Variants in CTNNA2 observed in about 807,000 individuals in gnomAD.
CTNNA2 encodes the protein catenin alpha 2, also known as catenin alpha-2.
A neutral mutation model predicts 101.0 loss-of-function variants in CTNNA2; 42 were observed. That is an observed-to-expected ratio of 0.42 (90% CI 0.32 to 0.54). CTNNA2 has a LOEUF of 0.54. Ranked by LOEUF, CTNNA2 falls within the 20% of genes least tolerant of loss-of-function variation. The pLI is 0.14. For synonymous variants in CTNNA2, 450 were observed against 456.4 expected (o/e 0.99, Z 0.18); for missense variants, 871 against 1,223.1 (o/e 0.71, Z 4.29).
intron 4 of CTNNA2, among the ~76,000 whole-genome samples, chr2:79,416,257 C>CTTTTTCTTTTTT (rs1404591922): frequency 1.1e-4 from 10 of 94,614 alleles, no homozygotes; most frequent in African/African-American, 4.1e-4. Flanking sequence ...CTTTCCTTTT[C>CTTTTTCTTTTTT]TTTTTTTTTT....
intron 4 of CTNNA2, among the ~76,000 whole-genome samples, chr2:79,390,699 A>G (rs1285618657): frequency 1.3e-5 from 2 of 152,212 alleles, no homozygotes; most frequent in African/African-American, 4.8e-5. Context: ...AATAGGAATG[A>G]TACCTATTTG....
At chr2:80,146,015 T>TG (rs1703309221) in intron 7 of CTNNA2, among the ~76,000 whole-genome samples, 1 of 152,210 alleles carries the variant, frequency 6.6e-6, no homozygotes, top group African/African-American at 2.4e-5. Flanking sequence ...TCCATGGCCA[T>TG]GCTGTAGGAG....
At chr2:80,254,342 T>A (rs1032216615) in intron 7 of CTNNA2, among the ~76,000 whole-genome samples, 1 of 152,172 alleles carries the variant, frequency 6.6e-6, no homozygotes, top group African/African-American at 2.4e-5. Flanking sequence ...TGCTGAAATT[T>A]GCATTGAAGA....
At chr2:79,850,801 G>C (rs1300991520) in intron 3 of CTNNA2, among the ~76,000 whole-genome samples, 1 of 152,134 alleles carries the variant, frequency 6.6e-6, no homozygotes, top group East Asian at 1.9e-4. Flanking sequence ...GTTGATACAG[G>C]TTAAGCTCTT....
chr2:79,799,153 G>A (rs1199933430), intron 3 of CTNNA2, among the ~76,000 whole-genome samples: 1 of 150,796 alleles, frequency 6.6e-6, no homozygotes, highest in African/African-American at 2.5e-5. Flanking sequence ...TCAGCTCACA[G>A]TTATAATTCG....
intron 4 of CTNNA2, among the ~76,000 whole-genome samples, chr2:79,465,235 T>C (rs941799009): frequency 1.2e-4 from 18 of 152,234 alleles, no homozygotes; most frequent in Admixed American, 1.0e-3. Flanking sequence ...ATTTATTAAA[T>C]AGGGAATCCT....
At chr2:79,187,574 T>G (rs1673797978) in intron 1 of CTNNA2, among the ~76,000 whole-genome samples, 1 of 152,220 alleles carries the variant, frequency 6.6e-6, no homozygotes, top group South Asian at 2.1e-4. Flanking sequence ...AAGTTTTCTA[T>G]TCAATCCTTT....
intron 9 of CTNNA2, among the ~76,000 whole-genome samples, chr2:80,466,444 A>T (rs1331906205): frequency 6.6e-6 from 1 of 152,226 alleles, no homozygotes; most frequent in African/African-American, 2.4e-5. Context: ...CTGGACAGTT[A>T]TGGATGACTT....
chr2:79,486,465 A>G (rs1489502692), intron 4 of CTNNA2, among the ~76,000 whole-genome samples: 1 of 152,138 alleles, frequency 6.6e-6, no homozygotes, highest in Non-Finnish European at 1.5e-5. Flanking sequence ...TTCTTAATCC[A>G]GTCTATCATT....
intron 2 of CTNNA2, among the ~76,000 whole-genome samples, chr2:79,211,264 G>C (rs899493505): frequency 3.3e-5 from 5 of 152,174 alleles, no homozygotes; most frequent in Admixed American, 6.5e-5. Context: ...CCGGCACACT[G>C]TACAACTGAG....
rs763779679 is a variant in CTNNA2, at chr2:80,647,828, C to T, written c.2818C>T (p.Pro940Ser). Residue 940 changes from proline (P) to serine (S), a missense_variant, in exon 19 of 19, where the codon CCT (proline) becomes TCT (serine). By Grantham distance (74) the Pro-to-Ser change is moderately conservative. Coordinates refer to ENST00000402739, the MANE Select transcript of CTNNA2 (RefSeq NM_001282597.3). Reference sequence around the variant, plus strand: ...AGGTTCTCAGAAGAAACACATTTCGCCTGTACAGGCTTTAAGTGAATTCAA... The same window carrying T: ...AGGTTCTCAGAAGAAACACATTTCGTCTGTACAGGCTTTAAGTGAATTCAA... The part of the protein sequence containing the change: ...RRGSQKKHIS[P>S]VQALSEFKAM... The T allele has an allele frequency of 6.2e-7, 1 of 1,613,322 alleles. No homozygotes were observed.
chr2:79,215,145 C>T (rs911696620), intron 2 of CTNNA2, among the ~76,000 whole-genome samples: 8 of 152,268 alleles, frequency 5.3e-5, no homozygotes, highest in Non-Finnish European at 1.0e-4. Flanking sequence ...GTTCCAGGGG[C>T]TCTGGGAGTG....
In CTNNA2 at chr2:79,730,830, A is replaced by G. The variant is rs932492265; in HGVS notation, c.103-13557A>G. 8.0e-4 allele frequency among the ~76,000 whole-genome samples: 122 copies of G among 152,006 alleles called. 2 individuals are homozygous for G. The highest frequency in any genetic ancestry group is 7.5e-4 in the Non-Finnish European group (51 of 67,928). Reference sequence around the variant, plus strand: ...CTAGAATTCCTTTCATGCTACAGAGAGAGAGACAAAGGGAGACCAAAAAAT... The same window carrying G: ...CTAGAATTCCTTTCATGCTACAGAGGGAGAGACAAAGGGAGACCAAAAAAT... On this transcript the variant is annotated intron_variant, in intron 2 of 18. Transcript: ENST00000402739.
intron 7 of CTNNA2, among the ~76,000 whole-genome samples, chr2:80,133,508 C>A (rs1248662159): frequency 6.6e-6 from 1 of 152,052 alleles, no homozygotes; most frequent in Non-Finnish European, 1.5e-5. Flanking sequence ...AAAATAAGCC[C>A]AAATGTATAT....
At chr2:79,487,577 G>T (rs1346990573) in intron 4 of CTNNA2, among the ~76,000 whole-genome samples, 1 of 152,192 alleles carries the variant, frequency 6.6e-6, no homozygotes, top group Non-Finnish European at 1.5e-5. Context: ...CAGAGGCCAC[G>T]TGCAAGTGCT....
chr2:80,347,422 C>CGGAG (rs1553500473), intron 7 of CTNNA2, among the ~76,000 whole-genome samples: 2 of 151,896 alleles, frequency 1.3e-5, no homozygotes, highest in Non-Finnish European at 2.9e-5. Context: ...ACTGCTTTAG[C>CGGAG]AGAGTGCCTG....
intron 7 of CTNNA2, among the ~76,000 whole-genome samples, chr2:80,000,856 A>AG (rs1692898316): frequency 6.6e-6 from 1 of 152,166 alleles, no homozygotes; most frequent in Non-Finnish European, 1.5e-5. Context: ...AAGGCCAACA[A>AG]GCGGGGAAGG....
chr2:79,894,906 A>G (rs926972162), intron 6 of CTNNA2, among the ~76,000 whole-genome samples: 4 of 152,234 alleles, frequency 2.6e-5, no homozygotes, highest in African/African-American at 9.6e-5. Flanking sequence ...TTAAATGAAT[A>G]TATTAACTGT....
At chr2:80,489,077 T>A (rs60939860) in intron 9 of CTNNA2, among the ~76,000 whole-genome samples, 11,592 of 152,224 alleles carry the variant, frequency 0.076, 965 homozygotes, top group East Asian at 0.46. Flanking sequence ...TGTCTTTGCA[T>A]GTACCTTTGT....
Sources: allele counts gnomAD v4.1 joint callset (sites outside exome capture counted in the v4.1 genomes callset), GRCh38; gene constraint gnomAD v4.1.1; transcripts MANE v1.5; gene names NCBI Gene and HGNC (gene_info 2026-07-23, HGNC 2026-07-21).